The following LRP1B variants were observed in gnomAD, a reference collection of about 807,000 sequenced individuals.
The protein encoded by LRP1B is low-density lipoprotein receptor-related protein 1B.
LRP1B carries 217 observed loss-of-function variants against 556.6 expected under a neutral mutation model. The observed-to-expected ratio is 0.39, with a 90% CI of 0.35 to 0.44. The LOEUF (loss-of-function observed/expected upper bound fraction) is 0.44, where lower values mean the gene tolerates loss of function less well. Ranked by LOEUF, LRP1B falls within the 20% of genes least tolerant of loss-of-function variation. LRP1B has a pLI of 1.00. For missense variants in LRP1B, 5,053 were observed against 5,620.8 expected, an observed-to-expected ratio of 0.90 and a Z score of 3.23; for synonymous variants, 2,047 against 1,865.8, an observed-to-expected ratio of 1.10 and a Z score of -2.50.
At chr2:140,280,677 G>C (rs949577250) in intron 84 of LRP1B, among the ~76,000 whole-genome samples, 1 of 151,676 alleles carries the variant, frequency 6.6e-6, no homozygotes, top group African/African-American at 2.4e-5. Context: ...GATCTAAATG[G>C]TTACTGTGGC....
At chr2:140,746,352 T>C (rs1195829951) in intron 35 of LRP1B, among the ~76,000 whole-genome samples, 1 of 152,222 alleles carries the variant, frequency 6.6e-6, no homozygotes, top group Non-Finnish European at 1.5e-5. Flanking sequence ...GAATCATTTT[T>C]AATCTAAGTT....
chr2:140,520,390 G>A (rs544062097), intron 49 of LRP1B, among the ~76,000 whole-genome samples: 1 of 152,066 alleles, frequency 6.6e-6, no homozygotes, highest in Non-Finnish European at 1.5e-5. Context: ...TCACTCATAG[G>A]TGGAAATTGA....
intron 3 of LRP1B, among the ~76,000 whole-genome samples, chr2:141,471,380 T>C (rs1416469237): frequency 6.6e-6 from 1 of 151,826 alleles, no homozygotes; most frequent in Non-Finnish European, 1.5e-5. Context: ...TCTTGGTCTA[T>C]TCCTGAGTAT....
At chr2:141,311,440 G>A (rs985389791) in intron 3 of LRP1B, among the ~76,000 whole-genome samples, 1 of 152,144 alleles carries the variant, frequency 6.6e-6, no homozygotes, top group African/African-American at 2.4e-5. Context: ...TTTTATTAGT[G>A]AGCTGGGTTT....
At chr2:141,024,910 G>T (rs754944629) in intron 11 of LRP1B, among the ~76,000 whole-genome samples, 3 of 152,006 alleles carry the variant, frequency 2.0e-5, no homozygotes, top group African/African-American at 7.2e-5. Flanking sequence ...ATTATAATGG[G>T]CAGTAAGAAG....
Position 141,841,600 on chromosome 2 carries a change from A to G in LRP1B, c.83-31199T>C, listed in dbSNP as rs538552331. 2.6e-5 allele frequency among the ~76,000 whole-genome samples: 4 copies of G among 152,150 alleles called. No individual in the cohort carries two copies. In the East Asian group the frequency reaches 7.7e-4, roughly 29 times the overall value. On this transcript the variant is annotated intron_variant, in intron 1 of 90. Coordinates refer to ENST00000389484, the MANE Select transcript of LRP1B (RefSeq NM_018557.3). ...CCTTTCCAGATACTGTTTGTTTTGT[A>G]TTCTTTGGCTTGAAAGCAGGGTTGA...
intron 6 of LRP1B, among the ~76,000 whole-genome samples, chr2:141,208,784 G>A (rs1282669918): frequency 6.7e-6 from 1 of 149,296 alleles, no homozygotes; most frequent in Non-Finnish European, 1.5e-5. Flanking sequence ...CAGGAGCATG[G>A]CGTGAACCTG....
intron 1 of LRP1B, among the ~76,000 whole-genome samples, chr2:142,031,336 T>TTTTTTTA (rs1553506188): frequency 7.3e-6 from 1 of 137,232 alleles, no homozygotes; most frequent in Non-Finnish European, 1.6e-5. Context: ...ACTTATTTTT[T>TTTTTTTA]TTTTTTTTTT....
chr2:140,807,417 T>G (rs1690757260), intron 32 of LRP1B, among the ~76,000 whole-genome samples: 1 of 152,026 alleles, frequency 6.6e-6, no homozygotes, highest in African/African-American at 2.4e-5. Flanking sequence ...CTTGGCTCAC[T>G]GCAACCTCTG....
At chr2:141,369,337 A>T (rs535919350) in intron 3 of LRP1B, among the ~76,000 whole-genome samples, 9 of 152,266 alleles carry the variant, frequency 5.9e-5, no homozygotes, top group African/African-American at 2.2e-4. Context: ...TAGGTAACAT[A>T]GGTGAAAGAA....
chr2:140,526,009 C>T lies in LRP1B; in HGVS notation c.7877-16G>A, dbSNP rs775432169. 1.5e-4 allele frequency: 240 copies of T among 1,605,140 alleles called. No homozygotes were observed. The highest frequency in any genetic ancestry group is 1.9e-4 in the Non-Finnish European group (229 of 1,176,676). ...TCTGTGTTATCTAGAAGAAGGTAAACAAAAAATGAAAAAGTACCTCATTTT... is the reference window on the plus strand; with the variant it reads ...TCTGTGTTATCTAGAAGAAGGTAAATAAAAAATGAAAAAGTACCTCATTTT... On this transcript the variant is annotated splice_polypyrimidine_tract_variant and intron_variant, in intron 48 of 90. Transcript: ENST00000389484.
intron 1 of LRP1B, among the ~76,000 whole-genome samples, chr2:141,872,765 CT>C (rs1225825800): frequency 6.6e-6 from 1 of 151,860 alleles, no homozygotes; most frequent in Non-Finnish European, 1.5e-5. Context: ...TGGATATCAT[CT>C]ATCATGTTGG....
intron 2 of LRP1B, among the ~76,000 whole-genome samples, chr2:141,613,756 T>A (rs1240338632): frequency 6.6e-6 from 1 of 152,090 alleles, no homozygotes. Context: ...ATTAAAAGAA[T>A]ACTACGGTCA....
chr2:140,269,913 A>G (rs1682382626), intron 86 of LRP1B, among the ~76,000 whole-genome samples: 1 of 152,030 alleles, frequency 6.6e-6, no homozygotes. Context: ...CAAAGTATTC[A>G]TAAAAGATGA....
intron 43 of LRP1B, among the ~76,000 whole-genome samples, chr2:140,578,602 T>C (rs1681627045): frequency 6.6e-6 from 1 of 152,150 alleles, no homozygotes. Flanking sequence ...TCTTCAAACC[T>C]CAGTCATCCT....
chr2:140,777,474 G>A (rs745909064), intron 32 of LRP1B, among the ~76,000 whole-genome samples: 5 of 152,112 alleles, frequency 3.3e-5, no homozygotes, highest in African/African-American at 7.2e-5. Context: ...TCACAGTGTC[G>A]AATGCCTTGC....
At chr2:141,428,905 G>T (rs976699168) in intron 3 of LRP1B, among the ~76,000 whole-genome samples, 2 of 152,094 alleles carry the variant, frequency 1.3e-5, no homozygotes, top group Non-Finnish European at 1.5e-5. Context: ...TTAGATTGGA[G>T]ATTACTTCAT....
At chr2:141,492,036 T>G (rs1574009039) in intron 2 of LRP1B, among the ~76,000 whole-genome samples, 1 of 115,000 alleles carries the variant, frequency 8.7e-6, no homozygotes, top group Non-Finnish European at 1.7e-5. Context: ...TATCAATATA[T>G]AAATCATTAT....
chr2:140,323,674 A>G (rs1395893269), intron 81 of LRP1B, among the ~76,000 whole-genome samples: 1 of 152,036 alleles, frequency 6.6e-6, no homozygotes, highest in East Asian at 1.9e-4. Context: ...TAATTTCAAG[A>G]AAACATGGCC....
Sources: allele counts gnomAD v4.1 joint callset (sites outside exome capture counted in the v4.1 genomes callset), GRCh38; gene constraint gnomAD v4.1.1; transcripts MANE v1.5; gene names NCBI Gene and HGNC (gene_info 2026-07-23, HGNC 2026-07-21).